Variants in CEP128 observed in about 807,000 individuals in gnomAD.
CEP128 encodes centrosomal protein 128.
In CEP128, 132 loss-of-function variants were observed where a neutral mutation model predicts 156.7. That is an observed-to-expected ratio of 0.84 (90% CI 0.73 to 0.97). The LOEUF (loss-of-function observed/expected upper bound fraction) is 0.97. CEP128 is among the 50% of genes least tolerant of loss of function. The pLI is 0.00. For missense variants in CEP128, 1,252 were observed against 1,281.9 expected, an observed-to-expected ratio of 0.98 and a Z score of 0.36; for synonymous variants, 469 against 448.9, an observed-to-expected ratio of 1.04 and a Z score of -0.57.
chr14:80,563,712 T>C (rs775430525), intron 20 of CEP128, among the ~76,000 whole-genome samples: 3 of 151,876 alleles, frequency 2.0e-5, no homozygotes, highest in Non-Finnish European at 4.4e-5. Flanking sequence ...TTTTTTTGTA[T>C]TTTTAGTAGA....
In CEP128 at chr14:80,941,569, G is replaced by A. The variant is rs1886160342; in HGVS notation, c.-172+12C>T. Reference sequence around the variant, plus strand: ...GGTCGAAAAAGGGCAAGGGGGAGGTGGGGGCAGGTACCTGAGACGGAGGAT... The same window carrying A: ...GGTCGAAAAAGGGCAAGGGGGAGGTAGGGGCAGGTACCTGAGACGGAGGAT... On this transcript the variant is annotated intron_variant, in intron 1 of 24. Transcript: ENST00000555265. 6.5e-6 allele frequency: 1 copy of A among 152,714 alleles called. No individual in the cohort carries two copies. The highest frequency in any genetic ancestry group is 1.5e-5 in the Non-Finnish European group (1 of 68,176). 9.5% of individuals were successfully genotyped at this position (152,714 alleles called of 1,614,324 possible).
At chr14:80,822,345 G>T (rs1885232181) in intron 13 of CEP128, among the ~76,000 whole-genome samples, 3 of 152,160 alleles carry the variant, frequency 2.0e-5, no homozygotes, top group Admixed American at 1.3e-4. Flanking sequence ...CCAAATGAAA[G>T]AAATTGGCCA....
intron 16 of CEP128, among the ~76,000 whole-genome samples, chr14:80,775,175 G>T (rs1393091623): frequency 6.6e-6 from 1 of 152,104 alleles, no homozygotes; most frequent in Non-Finnish European, 1.5e-5. Context: ...CCTAATAAAG[G>T]TATTATTATG....
intron 19 of CEP128, among the ~76,000 whole-genome samples, chr14:80,670,936 T>C (rs1895815276): frequency 6.6e-6 from 1 of 152,208 alleles, no homozygotes. Flanking sequence ...ATTCTTTATA[T>C]AAATTTGATT....
intron 23 of CEP128, among the ~76,000 whole-genome samples, chr14:80,514,903 GATCTAA>G (rs777382125): frequency 2.0e-5 from 3 of 152,166 alleles, no homozygotes; most frequent in Non-Finnish European, 4.4e-5. Flanking sequence ...TGAGTGTTGT[GATCTAA>G]GTCTTTGGTC....
Position 80,479,434 on chromosome 14 carries a change from C to CTTCTTA in CEP128, c.*311-1033_*311-1028dup. Among the ~76,000 whole-genome samples, 4 of 152,222 alleles carry CTTCTTA rather than the reference C, an allele frequency of 2.6e-5. No individual in the cohort carries two copies. The South Asian group carries it at 8.3e-4, about 32-fold the overall frequency. ...GAATCATGGTGGGAGGTGAAAGGCA[C>CTTCTTA]TTCTTACATGGTAGCAGCAAGAGAA... On this transcript the variant is annotated intron_variant and NMD_transcript_variant, in intron 14 of 14. Coordinates refer to the CEP128 transcript ENST00000554502.
intron 19 of CEP128, among the ~76,000 whole-genome samples, chr14:80,678,189 C>CAGTA (rs1490310469): frequency 3.3e-5 from 5 of 151,572 alleles, no homozygotes; most frequent in African/African-American, 1.2e-4. Context: ...TGAAATGGAA[C>CAGTA]CACATGTATA....
chr14:80,665,014 C>G (rs1253773453), intron 19 of CEP128, among the ~76,000 whole-genome samples: 2 of 152,186 alleles, frequency 1.3e-5, no homozygotes, highest in Non-Finnish European at 2.9e-5. Context: ...GAGTTGACTC[C>G]TTTCAACTTT....
chr14:80,531,019 C>G, intron 21 of CEP128, 133 bp from the exon 22 acceptor site: 1 of 424,720 alleles, frequency 2.4e-6, no homozygotes. Context: ...CAAATAAGAA[C>G]ATATATAATA....
chr14:80,571,914 T>C (rs1566787180), intron 20 of CEP128, among the ~76,000 whole-genome samples: 1 of 152,216 alleles, frequency 6.6e-6, no homozygotes, highest in Admixed American at 6.5e-5. Flanking sequence ...GCTGAGGAAG[T>C]ATGAGTCTCA....
At chr14:80,640,199 T>C (rs1285929578) in intron 19 of CEP128, among the ~76,000 whole-genome samples, 2 of 152,200 alleles carry the variant, frequency 1.3e-5, no homozygotes, top group African/African-American at 4.8e-5. Context: ...CTCTCATCTT[T>C]CTTTTCTAGC....
intron 8 of CEP128, among the ~76,000 whole-genome samples, chr14:80,888,302 C>G (rs1007753752): frequency 6.6e-6 from 1 of 152,162 alleles, no homozygotes; most frequent in East Asian, 1.9e-4. Flanking sequence ...CATCCTGATA[C>G]CAAAACCTGG....
chr14:80,840,836 T>G, intron 9 of CEP128, 68 bp from the exon 10 acceptor site: 1 of 921,762 alleles, frequency 1.1e-6, no homozygotes, highest in Non-Finnish European at 1.8e-6. Context: ...CTACTAGAAT[T>G]TATTATGTAT....
chr14:80,786,144 G>C (rs1901395414), intron 14 of CEP128, among the ~76,000 whole-genome samples: 1 of 152,150 alleles, frequency 6.6e-6, no homozygotes, highest in African/African-American at 2.4e-5. Flanking sequence ...TTGGGAAAGG[G>C]CTCAAGAGAA....
At chr14:80,575,275 T>C (rs1213190048) in intron 20 of CEP128, among the ~76,000 whole-genome samples, 1 of 151,896 alleles carries the variant, frequency 6.6e-6, no homozygotes, top group Non-Finnish European at 1.5e-5. Flanking sequence ...TGTTCAAAAA[T>C]ACTTATGACA....
chr14:80,742,325 C>T (rs1216971312), intron 19 of CEP128, among the ~76,000 whole-genome samples: 1 of 152,098 alleles, frequency 6.6e-6, no homozygotes, highest in Non-Finnish European at 1.5e-5. Flanking sequence ...ATGGCAAAAC[C>T]ACTGAGACCT....
chr14:80,518,275 T>C (rs980554773), intron 23 of CEP128, among the ~76,000 whole-genome samples: 1 of 151,640 alleles, frequency 6.6e-6, no homozygotes, highest in Admixed American at 6.6e-5. Flanking sequence ...GGGTGTGAGC[T>C]AAGTTGCAAG....
intron 12 of CEP128, among the ~76,000 whole-genome samples, chr14:80,835,877 T>C (rs900942519): frequency 6.6e-6 from 1 of 152,172 alleles, no homozygotes; most frequent in African/African-American, 2.4e-5. Context: ...GTACAAAGAC[T>C]GGTACACACT....
chr14:80,753,866 A>G (rs1414401384), intron 18 of CEP128, among the ~76,000 whole-genome samples: 3 of 152,154 alleles, frequency 2.0e-5, no homozygotes, highest in African/African-American at 7.2e-5. Flanking sequence ...CCTAGAATAT[A>G]ACATCTCTCA....
Sources: gnomAD v4.1 joint callset for allele counts (sites outside exome capture counted in the v4.1 genomes callset) on GRCh38, gnomAD v4.1.1 for gene constraint, MANE v1.5 for transcripts, NCBI Gene and HGNC (gene_info 2026-07-23, HGNC 2026-07-21) for gene names.